Variants in ZNF536 observed in about 807,000 individuals in gnomAD.
ZNF536 encodes zinc finger protein 536.
ZNF536 carries 13 observed loss-of-function variants against 84.5 expected under a neutral mutation model. The ratio of observed to expected loss-of-function variants is 0.15; its 90% CI spans 0.10 to 0.24. The LOEUF (loss-of-function observed/expected upper bound fraction) is 0.24, where lower values mean the gene tolerates loss of function less well. Ranked by LOEUF, ZNF536 falls within the 10% of genes least tolerant of loss-of-function variation. The pLI is 1.00. For missense variants in ZNF536, 1,536 were observed against 1,747.5 expected (o/e 0.88, Z 2.16); for synonymous variants, 811 against 742.5 (o/e 1.09, Z -1.50).
At chr19:30,384,111 TC>T in intron 1 of ZNF536, among the ~76,000 whole-genome samples, 1 of 51,282 alleles carries the variant, frequency 1.9e-5, no homozygotes, top group Non-Finnish European at 3.9e-5. Context: ...TTTCTTTCTT[TC>T]TTTCTTTCTT....
intron 1 of ZNF536, among the ~76,000 whole-genome samples, chr19:30,606,089 G>A (rs974316992): frequency 1.3e-5 from 2 of 151,314 alleles, no homozygotes; most frequent in African/African-American, 4.9e-5. Flanking sequence ...AGGAGTTCAA[G>A]GCTGCACTGA....
intron 1 of ZNF536, among the ~76,000 whole-genome samples, chr19:30,416,607 C>T (rs1302549194): frequency 1.3e-5 from 2 of 152,088 alleles, no homozygotes; most frequent in Non-Finnish European, 1.5e-5. Flanking sequence ...CCTCCCTGCC[C>T]TCCCCATCCT....
At chr19:30,387,637 A>C (rs2049398645) in intron 1 of ZNF536, among the ~76,000 whole-genome samples, 1 of 152,242 alleles carries the variant, frequency 6.6e-6, no homozygotes, top group Admixed American at 6.5e-5. Flanking sequence ...ATAAGGTCAA[A>C]TGCTCAACAG....
At chr19:30,571,054 G>A (rs551172594) in intron 1 of ZNF536, among the ~76,000 whole-genome samples, 3 of 152,264 alleles carry the variant, frequency 2.0e-5, no homozygotes, top group Non-Finnish European at 2.9e-5. Flanking sequence ...GCCCCACATC[G>A]ACACAGGCAG....
chr19:30,518,889 A>G (rs567030884), intron 2 of ZNF536, among the ~76,000 whole-genome samples: 9 of 152,228 alleles, frequency 5.9e-5, no homozygotes, highest in African/African-American at 2.2e-4. Flanking sequence ...TGGGGGAGCT[A>G]TGGGAGAGCC....
exon 2 of ZNF536, chr19:30,713,302 G>C (rs2052508704): frequency 6.6e-6 from 1 of 152,046 alleles, no homozygotes; most frequent in South Asian, 2.1e-4. Flanking sequence ...TTTTTTCCCT[G>C]TAACTTCTGT....
intron 2 of ZNF536, among the ~76,000 whole-genome samples, chr19:30,527,992 G>C (rs1424398138): frequency 3.9e-5 from 6 of 152,162 alleles, no homozygotes; most frequent in Non-Finnish European, 7.3e-5. Context: ...TGAAGTGAGA[G>C]CTGTGATTTT....
chr19:30,572,642 G>A (rs1205247920), intron 1 of ZNF536, among the ~76,000 whole-genome samples: 1 of 152,206 alleles, frequency 6.6e-6, no homozygotes, highest in African/African-American at 2.4e-5. Context: ...CGCCAACAGA[G>A]TAATCAAGAT....
At chr19:30,497,635 G>T (rs1399419990) in intron 2 of ZNF536, among the ~76,000 whole-genome samples, 1 of 152,204 alleles carries the variant, frequency 6.6e-6, no homozygotes, top group Non-Finnish European at 1.5e-5. Context: ...AAAGGAGAAA[G>T]CAAGGGGGTG....
intron 1 of ZNF536, among the ~76,000 whole-genome samples, chr19:30,241,113 T>C (rs1430628508): frequency 6.6e-6 from 1 of 150,458 alleles, no homozygotes; most frequent in Non-Finnish European, 1.5e-5. Flanking sequence ...AGCCCAGGAG[T>C]TCAAGATCAG....
intron 1 of ZNF536, among the ~76,000 whole-genome samples, chr19:30,389,553 G>A (rs2049493761): frequency 6.6e-6 from 1 of 152,046 alleles, no homozygotes. Context: ...TGTCCCCAGG[G>A]GCTGTATTAT....
chr19:30,350,927 C>T (rs778723517), intron 2 of ZNF536, among the ~76,000 whole-genome samples: 1 of 152,208 alleles, frequency 6.6e-6, no homozygotes, highest in Non-Finnish European at 1.5e-5. Flanking sequence ...CAGAATGTTT[C>T]AGCTCAGTGG....
At chr19:30,491,631 A>T (rs16964240) in intron 2 of ZNF536, among the ~76,000 whole-genome samples, 6 of 152,052 alleles carry the variant, frequency 3.9e-5, no homozygotes, top group African/African-American at 1.4e-4. Flanking sequence ...AAAATGGGGG[A>T]GAATGAAACC....
intron 2 of ZNF536, among the ~76,000 whole-genome samples, chr19:30,291,801 T>C (rs2045849821): frequency 6.6e-6 from 1 of 152,238 alleles, no homozygotes; most frequent in South Asian, 2.1e-4. Context: ...TGGCTCTTAG[T>C]ATGGTTCTGC....
intron 1 of ZNF536, among the ~76,000 whole-genome samples, chr19:30,631,747 C>G (rs374003227): frequency 1.3e-5 from 2 of 152,142 alleles, no homozygotes; most frequent in African/African-American, 4.8e-5. Flanking sequence ...ACTGCTTCTG[C>G]GCTAACCCAA....
chr19:30,361,583 G>A (rs556144273), intron 3 of ZNF536, among the ~76,000 whole-genome samples: 7 of 152,256 alleles, frequency 4.6e-5, no homozygotes, highest in Non-Finnish European at 7.4e-5. Context: ...CCATGAAGGC[G>A]TCAAACACGC....
At position 30,251,465 on chromosome 19, in the gene ZNF536, C is replaced by T. The variant is rs558235517; in HGVS notation, c.-190+22792C>T. Reference sequence around the variant, plus strand: ...GGGGAGCAGGAACTCACTAGTGTTCCTGCTGATGGTTCCCAGGGCCCTTTA... The same window carrying T: ...GGGGAGCAGGAACTCACTAGTGTTCTTGCTGATGGTTCCCAGGGCCCTTTA... On this transcript the variant is annotated intron_variant, in intron 1 of 5. Coordinates refer to the ZNF536 transcript ENST00000585628. Among the ~76,000 whole-genome samples, 3 of 152,280 alleles carry T rather than the reference C, an allele frequency of 2.0e-5. No individual in the cohort carries two copies. In the East Asian group the frequency reaches 5.8e-4, roughly 29 times the overall value.
chr19:30,492,637 T>C (rs969108344), intron 2 of ZNF536, among the ~76,000 whole-genome samples: 1 of 152,238 alleles, frequency 6.6e-6, no homozygotes, highest in Non-Finnish European at 1.5e-5. Flanking sequence ...TACATTGTTT[T>C]CTTTTGACAA....
chr19:30,700,213 CTTCT>C (rs60390336), intron 1 of ZNF536, among the ~76,000 whole-genome samples: 6,762 of 101,944 alleles, frequency 0.066, 356 homozygotes, highest in Non-Finnish European at 0.1. Flanking sequence ...TCTTTCTTTC[CTTCT>C]TTCTTTCTTT....
Sources: gnomAD v4.1 joint callset for allele counts (sites outside exome capture counted in the v4.1 genomes callset) on GRCh38, gnomAD v4.1.1 for gene constraint, MANE v1.5 for transcripts, NCBI Gene and HGNC (gene_info 2026-07-23, HGNC 2026-07-21) for gene names.